Variants in VAT1L observed in about 807,000 individuals in gnomAD.
VAT1L encodes putative NADPH-dependent quinone oxidoreductase VAT1L.
A neutral mutation model predicts 44.1 loss-of-function variants in VAT1L; 34 were observed. That is an observed-to-expected ratio of 0.77 (90% CI 0.59 to 1.03). VAT1L has a LOEUF of 1.03. VAT1L is among the 50% of genes least tolerant of loss of function. The probability of loss-of-function intolerance (pLI) is 0.00; values close to 1 mark genes in which losing one functional copy is unlikely to be tolerated. For synonymous variants in VAT1L, 253 were observed against 202.2 expected, an observed-to-expected ratio of 1.25 and a Z score of -2.13; for missense variants, 615 against 538.8, an observed-to-expected ratio of 1.14 and a Z score of -1.40.
intron 3 of VAT1L, among the ~76,000 whole-genome samples, chr16:77,856,552 G>A (rs961603188): frequency 6.6e-6 from 1 of 152,136 alleles, no homozygotes; most frequent in African/African-American, 2.4e-5. Context: ...TTTACATGCT[G>A]GAATATGATC....
At chr16:77,849,868 A>G (rs1306343098) in intron 3 of VAT1L, among the ~76,000 whole-genome samples, 1 of 152,218 alleles carries the variant, frequency 6.6e-6, no homozygotes, top group Non-Finnish European at 1.5e-5. Context: ...TCACAGAAAG[A>G]GTCCCGATGT....
chr16:77,910,673 CAAAAAAAAAA>C (rs3038773), intron 7 of VAT1L, among the ~76,000 whole-genome samples: 874 of 82,990 alleles, frequency 0.011, 11 homozygotes, highest in African/African-American at 0.038. Context: ...GACTCCTTCT[CAAAAAAAAAA>C]AAAAAAAAAA....
intron 8 of VAT1L, among the ~76,000 whole-genome samples, chr16:77,974,961 G>T (rs1040281592): frequency 2.6e-5 from 4 of 151,994 alleles, no homozygotes; most frequent in African/African-American, 9.7e-5. Flanking sequence ...AAGAGGCTAC[G>T]GCCTATCTAG....
intron 3 of VAT1L, among the ~76,000 whole-genome samples, chr16:77,859,477 G>A (rs1265865110): frequency 1.3e-4 from 20 of 152,174 alleles, no homozygotes; most frequent in Admixed American, 1.3e-3. Context: ...GATAATAGGG[G>A]CCAGTCTAGT....
intron 8 of VAT1L, among the ~76,000 whole-genome samples, chr16:77,974,558 A>G (rs1162882948): frequency 6.6e-6 from 1 of 152,052 alleles, no homozygotes; most frequent in African/African-American, 2.4e-5. Flanking sequence ...CTTGTTTCTG[A>G]ACCTCCTGAA....
intron 7 of VAT1L, among the ~76,000 whole-genome samples, chr16:77,945,786 T>G (rs1019632053): frequency 6.7e-6 from 1 of 149,710 alleles, no homozygotes; most frequent in Non-Finnish European, 1.5e-5. Flanking sequence ...TTGTTTTCTT[T>G]AGTGGCTTGA....
At chr16:77,943,689 A>G (rs1302702615) in intron 7 of VAT1L, among the ~76,000 whole-genome samples, 2 of 152,044 alleles carry the variant, frequency 1.3e-5, no homozygotes, top group Non-Finnish European at 2.9e-5. Flanking sequence ...GGTGTGAGTC[A>G]CTGCGCCCGA....
At position 77,842,441 on chromosome 16, in the gene VAT1L, A is replaced by T. The variant is rs1450865666; in HGVS notation, c.579+16980A>T. Among the ~76,000 whole-genome samples, 5 of 152,354 alleles carry T rather than the reference A, an allele frequency of 3.3e-5. No individual in the cohort carries two copies. The East Asian group carries it at 9.6e-4, about 29-fold the overall frequency. On this transcript the variant is annotated intron_variant, in intron 3 of 8. Transcript: ENST00000302536. Reference sequence around the variant, plus strand: ...AACCAAATATGTGCATGGAGTGTGGAGTCTGCAATGACAGAACCAACGAAA... The same window carrying T: ...AACCAAATATGTGCATGGAGTGTGGTGTCTGCAATGACAGAACCAACGAAA...
In VAT1L at chr16:77,884,348, G is replaced by A. The variant is rs1190781758; in HGVS notation, c.883-260G>A. ...CTGGGGCAGAGAATTACTTGAACCC[G>A]GGAGGCAGACGTTGCAGTAAGCTGA... On this transcript the variant is annotated intron_variant, in intron 6 of 8. Transcript: ENST00000302536. The surrounding 1 kb of genome is among the most constrained non-coding windows in gnomAD (Gnocchi z 4.5). 2.0e-5 allele frequency among the ~76,000 whole-genome samples: 3 copies of A among 151,928 alleles called. No homozygotes were observed. Among genetic ancestry groups the A allele is most frequent in the Non-Finnish European group, 2.9e-5 (2 of 67,992 alleles).
intron 4 of VAT1L, among the ~76,000 whole-genome samples, chr16:77,867,266 G>A (rs144091014): frequency 3.3e-5 from 5 of 152,136 alleles, no homozygotes; most frequent in African/African-American, 7.2e-5. Context: ...TTACGTGGAC[G>A]GTGATGAGGG....
chr16:77,848,795 G>T (rs1470157683), intron 3 of VAT1L, among the ~76,000 whole-genome samples: 1 of 152,050 alleles, frequency 6.6e-6, no homozygotes, highest in African/African-American at 2.4e-5. Context: ...CCACCCAAAT[G>T]CCCATCAATA....
At chr16:77,808,369 A>G (rs553758888) in intron 1 of VAT1L, among the ~76,000 whole-genome samples, 1 of 152,280 alleles carries the variant, frequency 6.6e-6, no homozygotes, top group South Asian at 2.1e-4. Flanking sequence ...ATTCTACATT[A>G]TGCTGAGTTG....
At chr16:77,973,388 G>A (rs1053356430) in intron 8 of VAT1L, among the ~76,000 whole-genome samples, 5 of 151,782 alleles carry the variant, frequency 3.3e-5, no homozygotes, top group African/African-American at 1.2e-4. Flanking sequence ...GGGTTCAAGC[G>A]ATTCTCCTGC....
intron 7 of VAT1L, among the ~76,000 whole-genome samples, chr16:77,890,432 A>G (rs2017252199): frequency 6.6e-6 from 1 of 151,966 alleles, no homozygotes; most frequent in South Asian, 2.1e-4. Flanking sequence ...GTTGGAGAGT[A>G]TGGGGCCTAA....
chr16:77,792,405 T>G (rs893504204), intron 1 of VAT1L, among the ~76,000 whole-genome samples: 13 of 152,012 alleles, frequency 8.6e-5, no homozygotes, highest in Non-Finnish European at 1.6e-4. Context: ...AGGGATCCTT[T>G]TTCAGGTGGT....
chr16:77,825,130 G>A, intron 2 of VAT1L, 116 bp from the exon 3 acceptor site: 1 of 1,094,246 alleles, frequency 9.1e-7, no homozygotes, highest in South Asian at 1.4e-5. Flanking sequence ...GCCTCCCAAA[G>A]TGCTGGGATT....
chr16:77,841,123 T>C (rs552603352), intron 3 of VAT1L, among the ~76,000 whole-genome samples: 2 of 152,340 alleles, frequency 1.3e-5, no homozygotes, highest in Middle Eastern at 3.4e-3. Flanking sequence ...CTGTGTTGCC[T>C]GGACTAGAGT....
intron 7 of VAT1L, among the ~76,000 whole-genome samples, chr16:77,905,558 G>T (rs2017428801): frequency 1.3e-5 from 2 of 152,226 alleles, no homozygotes; most frequent in South Asian, 4.1e-4. Context: ...CCACCTAGCT[G>T]CTGTTTTTAA....
intron 8 of VAT1L, 88 bp from the exon 9 acceptor site, chr16:77,977,509 G>A (rs2018353730): frequency 7.5e-7 from 1 of 1,336,984 alleles, no homozygotes; most frequent in African/African-American, 1.5e-5. Context: ...TAGCCCCCAA[G>A]AAGTCCTCCC....
Sources: allele counts gnomAD v4.1 joint callset (sites outside exome capture counted in the v4.1 genomes callset), GRCh38; gene constraint gnomAD v4.1.1; non-coding constraint Gnocchi (gnomAD v3.1); transcripts MANE v1.5; gene names NCBI Gene and HGNC (gene_info 2026-07-23, HGNC 2026-07-21).